Variants in ZNF787 observed in about 807,000 individuals in gnomAD.
ZNF787 encodes TTF-I-interacting peptide 20.
ZNF787 carries 7 observed loss-of-function variants against 16.9 expected under a neutral mutation model. That is an observed-to-expected ratio of 0.42 (90% CI 0.24 to 0.78). The LOEUF (loss-of-function observed/expected upper bound fraction) is 0.78. Ranked by LOEUF, ZNF787 falls within the 30% of genes least tolerant of loss-of-function variation. The pLI is 0.30. For synonymous variants in ZNF787, 345 were observed against 270.9 expected, an observed-to-expected ratio of 1.27 and a Z score of -2.69; for missense variants, 551 against 589.3, an observed-to-expected ratio of 0.94 and a Z score of 0.67.
Position 56,103,170 on chromosome 19 carries a change from C to T in ZNF787, c.48G>A (p.Glu16=), listed in dbSNP as rs1986171059. 6.3e-7 allele frequency: 1 copy of T among 1,593,634 alleles called. No homozygotes were observed. The highest frequency in any genetic ancestry group is 8.6e-7 in the Non-Finnish European group (1 of 1,169,174). ...EAWSPGPLDS[E]DQQMASHENP... ...TCTCGTGACTGGCCATCTGCTGGTC[C>T]TCAGAATCCAGCGGCCCCGGAGACC... The change falls in exon 2 of 3, where the codon GAG becomes GAA. Residue 16 remains glutamate, a synonymous_variant. Coordinates refer to ENST00000610935, the MANE Select transcript of ZNF787 (RefSeq NM_001002836.4).
At chr19:56,117,785 T>A (rs913285862) in intron 1 of ZNF787, among the ~76,000 whole-genome samples, 2 of 152,170 alleles carry the variant, frequency 1.3e-5, no homozygotes, top group African/African-American at 4.8e-5. Context: ...GCGGGGCTAT[T>A]TCCAGCAAAG....
chr19:56,117,922 G>A, intron 1 of ZNF787, among the ~76,000 whole-genome samples: 1 of 152,232 alleles, frequency 6.6e-6, no homozygotes, highest in East Asian at 1.9e-4. Flanking sequence ...AAACAGGGGG[G>A]CCAGATGGGA....
chr19:56,090,938 T>C (rs910259839), intron 2 of ZNF787, among the ~76,000 whole-genome samples: 6 of 152,208 alleles, frequency 3.9e-5, no homozygotes, highest in African/African-American at 1.4e-4. Context: ...CCAGCTCCAG[T>C]GTGAGAATCA....
At chr19:56,093,066 T>C (rs1433924729) in intron 2 of ZNF787, among the ~76,000 whole-genome samples, 1 of 140,964 alleles carries the variant, frequency 7.1e-6, no homozygotes, top group African/African-American at 2.7e-5. Context: ...GGCTACCCCA[T>C]AGACACGGGG....
chr19:56,112,117 T>TGGGAGAGGCGGGGGCACC (rs2029997215), intron 1 of ZNF787, among the ~76,000 whole-genome samples: 1 of 151,982 alleles, frequency 6.6e-6, no homozygotes, highest in Non-Finnish European at 1.5e-5. Flanking sequence ...AGGTGAACGA[T>TGGGAGAGGCGGGGGCACC]GGGAGAGGCG....
chr19:56,099,842 G>A (rs544722435), intron 2 of ZNF787, among the ~76,000 whole-genome samples: 5 of 152,194 alleles, frequency 3.3e-5, no homozygotes, highest in Non-Finnish European at 7.4e-5. Context: ...GGAGGCAGAC[G>A]GGGAGACAGT....
chr19:56,089,169 C>T, intron 2 of ZNF787, 77 bp from the exon 3 acceptor site: 1 of 1,130,904 alleles, frequency 8.8e-7, no homozygotes, highest in Non-Finnish European at 1.2e-6. Flanking sequence ...CTACGCTGGC[C>T]TCGGGTGCCT....
chr19:56,107,788 G>A lies in ZNF787; in HGVS notation c.-10-4561C>T, dbSNP rs550321846. ...CATTCCCTGGATGGGCAGCGTGGAG[G>A]GGAGGGGACAGGCAGCAGCTTGAAG... is the stretch of plus-strand genomic sequence containing the variant. On this transcript the variant is annotated intron_variant, in intron 1 of 2. Coordinates refer to ENST00000610935, the MANE Select transcript of ZNF787 (RefSeq NM_001002836.4). Among the ~76,000 whole-genome samples, 40 of 152,224 alleles carry A rather than the reference G, an allele frequency of 2.6e-4. No individual in the cohort carries two copies. In the South Asian group the frequency reaches 8.3e-3, roughly 32 times the overall value.
intron 1 of ZNF787, among the ~76,000 whole-genome samples, chr19:56,111,146 C>A (rs1003612580): frequency 2.6e-5 from 4 of 152,194 alleles, no homozygotes; most frequent in African/African-American, 9.7e-5. Context: ...AGTCTGCTGA[C>A]CCTGATGTAA....
At chr19:56,104,863 T>C (rs1986242325) in intron 1 of ZNF787, among the ~76,000 whole-genome samples, 1 of 152,124 alleles carries the variant, frequency 6.6e-6, no homozygotes, top group Non-Finnish European at 1.5e-5. Flanking sequence ...ATGCGGTGGC[T>C]CCCACCTGTA....
At chr19:56,103,448 ACTCAAGGACC>A (rs985788274) in intron 1 of ZNF787, 38 of 433,132 alleles carry the variant, frequency 8.8e-5, no homozygotes, top group Admixed American at 3.7e-4. Flanking sequence ...CGCAGGAAGG[ACTCAAGGACC>A]CTCAAGGGCT....
chr19:56,092,587 A>C (rs899749903), intron 2 of ZNF787, among the ~76,000 whole-genome samples: 2 of 150,954 alleles, frequency 1.3e-5, no homozygotes, highest in African/African-American at 4.9e-5. Flanking sequence ...ATAGAAATTC[A>C]GGACTAAAGT....
intron 2 of ZNF787, chr19:56,101,713 C>T (rs1479959671): frequency 1.3e-5 from 2 of 152,110 alleles, no homozygotes; most frequent in Admixed American, 6.5e-5. Flanking sequence ...TTCTCTAAAA[C>T]GCTGTGGAAA....
chr19:56,098,515 C>A lies in ZNF787; in HGVS notation c.79+4624G>T, dbSNP rs1415102786. The stretch of plus-strand genomic sequence containing the variant: ...GGGTGATTACGGCCGCAGGGTGATA[C>A]AGCCGCAGGGTGATGCCACCAGGGT... On this transcript the variant is annotated intron_variant, in intron 2 of 2. Transcript: ENST00000610935. Among the ~76,000 whole-genome samples the A allele has an allele frequency of 3.5e-5, 5 of 143,498 alleles. No individual in the cohort carries two copies. In the South Asian group the frequency reaches 1.1e-3, roughly 32 times the overall value. 94.1% of individuals were successfully genotyped at this position (143,498 alleles called of 152,430 possible).
intron 1 of ZNF787, among the ~76,000 whole-genome samples, chr19:56,108,755 AG>A (rs2029896846): frequency 6.6e-6 from 1 of 152,148 alleles, no homozygotes; most frequent in Non-Finnish European, 1.5e-5. Context: ...GACCTGTCTC[AG>A]GAAGAGGTGA....
chr19:56,088,506 C>T lies in ZNF787; in HGVS notation c.666G>A (p.Gly222=). The change falls in exon 3 of 3, where the codon GGG becomes GGA. Residue 222 remains glycine, a synonymous_variant. Transcript: ENST00000610935. This position sits in a 1 kb window ranked among gnomAD's most constrained non-coding sequence, Gnocchi z 8.6. ...CGTCCGCCGCCACCGCCTCTTCGGG[C>T]CCCTTGGCCCGCCGGACGCTAGCCG... ...VLAASVRRAK[G]PEEAVAADGE... is the part of the protein sequence containing the mutation. 1 of 1,409,086 alleles carries T rather than the reference C, an allele frequency of 7.1e-7. No individual in the cohort carries two copies. The highest frequency in any genetic ancestry group is 1.4e-5 in the South Asian group (1 of 70,076). The allele number at this position is 1,409,086 out of a possible 1,614,324, so 87.3% of individuals were successfully genotyped here.
Position 56,088,111 on chromosome 19 carries a change from T to G in ZNF787, c.1061A>C (p.Tyr354Ser), listed in dbSNP as rs767895068. ...CTCCTCCTCCCCGCCCGCGCGGTAG[T>G]AGCTCTGTCCGCAGCTGCTGCAGAC... ...PSVCSSCGQS[Y>S]YRAGGEEEDD... Residue 354 changes from tyrosine to serine, a missense_variant, in exon 3 of 3, where the codon TAC becomes TCC. Coordinates refer to ENST00000610935, the MANE Select transcript of ZNF787 (RefSeq NM_001002836.4). The surrounding 1 kb of genome is among the most constrained non-coding windows in gnomAD (Gnocchi z 8.6). 5 of 1,523,656 alleles carry G rather than the reference T, an allele frequency of 3.3e-6. No homozygotes were observed. The highest frequency in any genetic ancestry group is 4.4e-6 in the Non-Finnish European group (5 of 1,140,580). The allele number at this position is 1,523,656 out of a possible 1,614,324, so 94.4% of individuals were successfully genotyped here. A position where few individuals can be genotyped will look rare whatever the true frequency, so the allele number is the denominator to read the frequency against.
At chr19:56,116,745 T>C (rs1033947361) in intron 1 of ZNF787, among the ~76,000 whole-genome samples, 1 of 152,022 alleles carries the variant, frequency 6.6e-6, no homozygotes, top group African/African-American at 2.4e-5. Context: ...CTTTGCACAG[T>C]CCCTTCCTCC....
intron 2 of ZNF787, among the ~76,000 whole-genome samples, chr19:56,098,620 TTACGGCCGCAGGGTGA>T (rs1985964623): frequency 2.2e-5 from 3 of 135,786 alleles, no homozygotes; most frequent in South Asian, 2.4e-4. Flanking sequence ...GCCCGGGTGA[TTACGGCCGCAGGGTGA>T]TACAGCCGCA....
Sources: gnomAD v4.1 joint callset for allele counts (sites outside exome capture counted in the v4.1 genomes callset) on GRCh38, gnomAD v4.1.1 for gene constraint, Gnocchi (gnomAD v3.1) non-coding constraint, MANE v1.5 for transcripts, NCBI Gene and HGNC (gene_info 2026-07-23, HGNC 2026-07-21) for gene names.